The following PTPRN2 variants were observed in gnomAD, a reference collection of about 807,000 sequenced individuals.
PTPRN2 encodes protein tyrosine phosphatase receptor type N2.
A neutral mutation model predicts 118.8 loss-of-function variants in PTPRN2; 74 were observed. That is an observed-to-expected ratio of 0.62 (90% CI 0.52 to 0.76). The LOEUF is 0.76. Among genes scored for constraint, PTPRN2 ranks in the 30% least tolerant of loss-of-function variants. PTPRN2 has a pLI of 0.00. For missense variants in PTPRN2, 1,481 were observed against 1,394.4 expected, an observed-to-expected ratio of 1.06 and a Z score of -0.99; for synonymous variants, 641 against 608.0, an observed-to-expected ratio of 1.05 and a Z score of -0.80.
Position 157,568,963 on chromosome 7 carries a change from G to C in PTPRN2, c.2841C>G (p.Asp947Glu). 1 of 1,566,760 alleles carries C rather than the reference G, an allele frequency of 6.4e-7. No individual in the cohort carries two copies. ...CGTAGGTGCCGCTCCGGCCTGCACC[G>C]TCACTGCCAACAGAAGGAGAGAAAT... ...RSCPIIVHCS[D>E]GAGRSGTYVL... is the part of the protein sequence containing the mutation. The change falls in exon 21 of 23, where the codon GAC (aspartate) becomes GAG (glutamate). Residue 947 changes from aspartate (D) to glutamate (E), a missense_variant. Physicochemically the swap from Asp to Glu is conservative, Grantham distance 45. Coordinates refer to ENST00000389418, the MANE Select transcript of PTPRN2 (RefSeq NM_002847.5).
intron 12 of PTPRN2, among the ~76,000 whole-genome samples, chr7:157,788,374 CA>C (rs749886375): frequency 0.015 from 1,137 of 75,530 alleles, 8 homozygotes; most frequent in Middle Eastern, 0.06. Flanking sequence ...GACTCCATCT[CA>C]AAAAAAAAAA....
chr7:157,931,246 T>C (rs1480485559), intron 11 of PTPRN2, among the ~76,000 whole-genome samples: 4 of 151,800 alleles, frequency 2.6e-5, no homozygotes, highest in African/African-American at 9.7e-5. Flanking sequence ...TACATTTTCA[T>C]AAGCACATTT....
chr7:158,042,206 G>C (rs1045350930), intron 11 of PTPRN2, among the ~76,000 whole-genome samples: 1 of 152,152 alleles, frequency 6.6e-6, no homozygotes, highest in East Asian at 1.9e-4. Context: ...ACAGAAACCA[G>C]AGAATGGATT....
chr7:157,589,842 G>T (rs1432722496), intron 17 of PTPRN2, among the ~76,000 whole-genome samples: 2 of 152,236 alleles, frequency 1.3e-5, no homozygotes, highest in Non-Finnish European at 2.9e-5. Context: ...GCCAGCCGAG[G>T]CCAAGTTTCC....
intron 5 of PTPRN2, among the ~76,000 whole-genome samples, chr7:158,171,655 C>T (rs565242980): frequency 6.6e-6 from 1 of 152,034 alleles, no homozygotes; most frequent in Non-Finnish European, 1.5e-5. Context: ...CCAGCCTATA[C>T]CTTCATATTC....
At chr7:157,843,399 G>T (rs1808573330) in intron 12 of PTPRN2, among the ~76,000 whole-genome samples, 1 of 152,072 alleles carries the variant, frequency 6.6e-6, no homozygotes, top group South Asian at 2.1e-4. Context: ...TGGTAGGGGG[G>T]CCGGCGTGGG....
At chr7:158,129,055 T>G (rs1817933822) in intron 9 of PTPRN2, among the ~76,000 whole-genome samples, 1 of 145,466 alleles carries the variant, frequency 6.9e-6, no homozygotes, top group South Asian at 2.1e-4. Context: ...CTGTGCACCA[T>G]GCACACACAC....
rs370784643 is a variant in PTPRN2 at position 157,610,880 on chromosome 7, A to G, written c.2345-6805T>C. On this transcript the variant is annotated intron_variant, in intron 15 of 22. Coordinates refer to ENST00000389418, the MANE Select transcript of PTPRN2 (RefSeq NM_002847.5). The surrounding 1 kb of genome is among the most constrained non-coding windows in gnomAD (Gnocchi z 5.1). ...GGGAAATGCTCAGCTCAAGCTATAA[A>G]GCTCATCGAACATTTAGGAAAGTCA... Among the ~76,000 whole-genome samples the G allele has an allele frequency of 2.6e-5, 4 of 152,212 alleles. No individual in the cohort carries two copies. The highest frequency in any genetic ancestry group is 7.2e-5 in the African/African-American group (3 of 41,442).
chr7:157,919,739 C>T (rs976791694), intron 11 of PTPRN2, among the ~76,000 whole-genome samples: 1 of 152,000 alleles, frequency 6.6e-6, no homozygotes, highest in Non-Finnish European at 1.5e-5. Context: ...ACTTATAAGC[C>T]CTTAAGACCA....
chr7:157,760,538 C>G (rs972095853), intron 12 of PTPRN2, among the ~76,000 whole-genome samples: 7 of 151,974 alleles, frequency 4.6e-5, no homozygotes. Context: ...CTCTCCCTGT[C>G]CTCCCTCCCA....
At chr7:157,693,732 C>A (rs1278761329) in intron 12 of PTPRN2, among the ~76,000 whole-genome samples, 2 of 152,062 alleles carry the variant, frequency 1.3e-5, no homozygotes, top group Non-Finnish European at 2.9e-5. Flanking sequence ...GGCGCACCCT[C>A]CCCGCCCGCG....
chr7:157,873,546 G>A (rs1178597251), intron 12 of PTPRN2, among the ~76,000 whole-genome samples: 4 of 138,230 alleles, frequency 2.9e-5, no homozygotes, highest in Non-Finnish European at 4.5e-5. Flanking sequence ...GGTCTGTCTC[G>A]TCGTGGGGGC....
rs1379266085 is a variant in PTPRN2, at chr7:158,089,916, C to A, written c.1644-8539G>T. 6.3e-3 allele frequency among the ~76,000 whole-genome samples: 180 copies of A among 28,566 alleles called. 1 individual carries two copies. The highest frequency in any genetic ancestry group is 0.021 in the Admixed American group (46 of 2,158). 18.7% of individuals were successfully genotyped at this position (28,566 alleles called of 152,430 possible). On this transcript the variant is annotated intron_variant, in intron 10 of 22. Coordinates refer to ENST00000389418, the MANE Select transcript of PTPRN2 (RefSeq NM_002847.5). Reference sequence around the variant, plus strand: ...GAGTCTTCACACAAACCTGTCTTCCCCTGACGAAAGAGGGAGTCTTCACAC... The same window carrying A: ...GAGTCTTCACACAAACCTGTCTTCCACTGACGAAAGAGGGAGTCTTCACAC...
At chr7:157,896,930 C>G (rs1797165053) in intron 12 of PTPRN2, among the ~76,000 whole-genome samples, 1 of 152,040 alleles carries the variant, frequency 6.6e-6, no homozygotes, top group Non-Finnish European at 1.5e-5. Flanking sequence ...CATTCCCCGT[C>G]CCCCACCCTT....
At chr7:158,495,442 C>T (rs1392933574) in intron 1 of PTPRN2, among the ~76,000 whole-genome samples, 1 of 152,160 alleles carries the variant, frequency 6.6e-6, no homozygotes, top group Non-Finnish European at 1.5e-5. Flanking sequence ...CCTCCCTTCT[C>T]CCTTGCATTC....
chr7:157,756,526 T>C (rs1789995017), intron 12 of PTPRN2, among the ~76,000 whole-genome samples: 1 of 152,142 alleles, frequency 6.6e-6, no homozygotes. Context: ...GCTGCCCACC[T>C]CAGCCTCCCA....
intron 3 of PTPRN2, among the ~76,000 whole-genome samples, chr7:158,244,628 G>C (rs1318595325): frequency 6.6e-6 from 1 of 150,770 alleles, no homozygotes; most frequent in East Asian, 2.0e-4. Context: ...TATGTGTTTT[G>C]TGTGAGCTGA....
chr7:158,009,700 T>C (rs997865266), intron 11 of PTPRN2, among the ~76,000 whole-genome samples: 3 of 152,216 alleles, frequency 2.0e-5, no homozygotes, highest in Non-Finnish European at 4.4e-5. Flanking sequence ...CCAAACCTCC[T>C]TCCTGCCTGG....
intron 2 of PTPRN2, among the ~76,000 whole-genome samples, chr7:158,476,682 G>A (rs1820290659): frequency 6.6e-6 from 1 of 152,250 alleles, no homozygotes; most frequent in Non-Finnish European, 1.5e-5. Flanking sequence ...CAGCCTGGAG[G>A]CTGGAAAAAA....
Sources: gnomAD v4.1 joint callset for allele counts (sites outside exome capture counted in the v4.1 genomes callset) on GRCh38, gnomAD v4.1.1 for gene constraint, Gnocchi (gnomAD v3.1) non-coding constraint, MANE v1.5 for transcripts, NCBI Gene and HGNC (gene_info 2026-07-23, HGNC 2026-07-21) for gene names.